Variants in NFATC2 observed in about 807,000 individuals in gnomAD.
NFATC2 encodes the protein nuclear factor of activated T cells 2.
A neutral mutation model predicts 87.3 loss-of-function variants in NFATC2; 22 were observed. The ratio of observed to expected loss-of-function variants is 0.25; its 90% CI spans 0.18 to 0.36. The LOEUF (loss-of-function observed/expected upper bound fraction) is 0.36. Ranked by LOEUF, NFATC2 falls within the 10% of genes least tolerant of loss-of-function variation. The pLI is 1.00. For synonymous variants in NFATC2, 565 were observed against 542.2 expected, an observed-to-expected ratio of 1.04 and a Z score of -0.58; for missense variants, 1,149 against 1,259.1, an observed-to-expected ratio of 0.91 and a Z score of 1.32.
intron 1 of NFATC2, among the ~76,000 whole-genome samples, chr20:51,534,762 C>T (rs991279299): frequency 2.6e-5 from 4 of 152,164 alleles, no homozygotes; most frequent in Non-Finnish European, 4.4e-5. Context: ...TTCTCTGTGG[C>T]CCCCCTGAAG....
chr20:51,519,802 G>A (rs1033259253), intron 2 of NFATC2, among the ~76,000 whole-genome samples: 1 of 148,736 alleles, frequency 6.7e-6, no homozygotes, highest in Non-Finnish European at 1.5e-5. Context: ...TGTAATCCCA[G>A]CTACTCAGGA....
chr20:51,517,414 C>T (rs1454728694), intron 2 of NFATC2, among the ~76,000 whole-genome samples: 2 of 151,850 alleles, frequency 1.3e-5, no homozygotes, highest in African/African-American at 4.8e-5. Flanking sequence ...CACGGAGAGA[C>T]CCTGTCTCTA....
At chr20:51,561,131 AT>A (rs11417316) in intron 1 of NFATC2, among the ~76,000 whole-genome samples, 1 of 151,410 alleles carries the variant, frequency 6.6e-6, no homozygotes, top group East Asian at 1.9e-4. Context: ...ATATCAGTAA[AT>A]TTTTTTTGCC....
At chr20:51,414,742 G>T (rs1221326785) in intron 9 of NFATC2, among the ~76,000 whole-genome samples, 1 of 151,784 alleles carries the variant, frequency 6.6e-6, no homozygotes, top group African/African-American at 2.4e-5. Context: ...GGTGGTTAAG[G>T]CATGGGCAAA....
At chr20:51,430,370 C>T (rs1368736216) in intron 9 of NFATC2, among the ~76,000 whole-genome samples, 1 of 152,212 alleles carries the variant, frequency 6.6e-6, no homozygotes, top group Non-Finnish European at 1.5e-5. Flanking sequence ...TACACGATTG[C>T]CCCCTTGAAA....
Position 51,523,888 on chromosome 20 carries a change from G to A in NFATC2, c.353C>T (p.Ser118Phe), listed in dbSNP as rs865931086. ...CCCCACTGCCTGGATCAGTTCGTGG[G>A]ACGGAGTGATCTCGATCCGAGGGCT... ...GLSPRIEITPSHELIQAVGPL... is the reference protein window; with the variant it reads ...GLSPRIEITPFHELIQAVGPL... The change falls in exon 2 of 11, where the codon TCC becomes TTC. Residue 118 changes from serine to phenylalanine, a missense_variant. This residue lies in a region of NFATC2 where 563 missense variants were observed against 585.2 expected (regional missense o/e 0.96). Coordinates refer to ENST00000371564, the MANE Select transcript of NFATC2 (RefSeq NM_012340.5). The surrounding 1 kb of genome is among the most constrained non-coding windows in gnomAD (Gnocchi z 6.9). The A allele has an allele frequency of 1.2e-6, 2 of 1,606,656 alleles. No homozygotes were observed. The highest frequency in any genetic ancestry group is 8.5e-7 in the Non-Finnish European group (1 of 1,177,726).
rs2077037223 is a variant in NFATC2 at position 51,562,029 on chromosome 20, C to A, written c.70+531G>T. On this transcript the variant is annotated intron_variant, in intron 1 of 10. Transcript: ENST00000414705. This position sits in a 1 kb window ranked among gnomAD's most constrained non-coding sequence, Gnocchi z 5.8. ...GCTGGAGGACTCTATCCAGCAGGCACATCAAAAAGGGGGAAGAAAATAGTT... is the reference window on the plus strand; with the variant it reads ...GCTGGAGGACTCTATCCAGCAGGCAAATCAAAAAGGGGGAAGAAAATAGTT... 1.3e-5 allele frequency among the ~76,000 whole-genome samples: 2 copies of A among 152,016 alleles called. No homozygotes were observed. Among genetic ancestry groups the A allele is most frequent in the African/African-American group, 4.8e-5 (2 of 41,376 alleles).
intron 3 of NFATC2, among the ~76,000 whole-genome samples, chr20:51,490,804 A>G (rs751871198): frequency 1.9e-4 from 29 of 152,196 alleles, no homozygotes; most frequent in Non-Finnish European, 4.0e-4. Flanking sequence ...ATAATTATAA[A>G]TGTTAAAAAT....
chr20:51,525,792 T>C (rs1490766872), intron 1 of NFATC2, among the ~76,000 whole-genome samples: 1 of 152,084 alleles, frequency 6.6e-6, no homozygotes, highest in Admixed American at 6.6e-5. Flanking sequence ...ACTTCCTCTG[T>C]GGCTCTGTCA....
intron 9 of NFATC2, among the ~76,000 whole-genome samples, chr20:51,399,654 G>T (rs969236619): frequency 1.3e-5 from 2 of 152,180 alleles, no homozygotes; most frequent in African/African-American, 4.8e-5. Context: ...GTTGGCTACT[G>T]CTGCCCTGGG....
At chr20:51,518,037 G>A (rs895972856) in intron 2 of NFATC2, among the ~76,000 whole-genome samples, 1 of 152,146 alleles carries the variant, frequency 6.6e-6, no homozygotes, top group Admixed American at 6.5e-5. Flanking sequence ...AAAATGCTGA[G>A]GCAGCACATA....
At chr20:51,496,177 A>C (rs917903130) in intron 3 of NFATC2, among the ~76,000 whole-genome samples, 1 of 152,172 alleles carries the variant, frequency 6.6e-6, no homozygotes, top group African/African-American at 2.4e-5. Flanking sequence ...ATCGAAGCGC[A>C]GCTGTTCACA....
At chr20:51,520,308 GT>G (rs1568719977) in intron 2 of NFATC2, among the ~76,000 whole-genome samples, 1 of 152,210 alleles carries the variant, frequency 6.6e-6, no homozygotes, top group African/African-American at 2.4e-5. Flanking sequence ...AGAACAAGGA[GT>G]TAAGAATCCC....
intron 6 of NFATC2, among the ~76,000 whole-genome samples, chr20:51,449,157 T>C (rs1460858121): frequency 6.6e-6 from 1 of 152,174 alleles, no homozygotes. Context: ...TTCCCCTTCC[T>C]TGGAAAACTT....
intron 10 of NFATC2, among the ~76,000 whole-genome samples, chr20:51,396,439 T>C (rs1453031555): frequency 6.6e-6 from 1 of 152,156 alleles, no homozygotes; most frequent in South Asian, 2.1e-4. Flanking sequence ...CCTTTCCCTT[T>C]GACTGCTGAC....
chr20:51,531,609 C>G (rs1442305718), intron 1 of NFATC2, among the ~76,000 whole-genome samples: 1 of 152,166 alleles, frequency 6.6e-6, no homozygotes, highest in African/African-American at 2.4e-5. Context: ...CCACTCCCAC[C>G]CCCGGCTGTG....
chr20:51,545,762 G>T (rs2076884278), upstream of NFATC2, among the ~76,000 whole-genome samples: 1 of 152,092 alleles, frequency 6.6e-6, no homozygotes, highest in Non-Finnish European at 1.5e-5. Context: ...TGGAGGAGTG[G>T]ATGGAGGGTG....
chr20:51,560,351 G>A (rs1344400109), intron 1 of NFATC2, among the ~76,000 whole-genome samples: 3 of 152,164 alleles, frequency 2.0e-5, no homozygotes, highest in Non-Finnish European at 4.4e-5. Flanking sequence ...GGGAGTCTGG[G>A]TTTGGGAGAG....
chr20:51,491,181 C>G (rs2075876487), intron 3 of NFATC2, among the ~76,000 whole-genome samples: 1 of 151,998 alleles, frequency 6.6e-6, no homozygotes, highest in Non-Finnish European at 1.5e-5. Flanking sequence ...CTCCAGGGCA[C>G]AAATTTTTAA....
Sources: gnomAD v4.1 joint callset for allele counts (sites outside exome capture counted in the v4.1 genomes callset) on GRCh38, gnomAD v4.1.1 for gene constraint, gnomAD v4.1.1 regional missense constraint, Gnocchi (gnomAD v3.1) non-coding constraint, MANE v1.5 for transcripts, NCBI Gene and HGNC (gene_info 2026-07-23, HGNC 2026-07-21) for gene names.